Variants in NAALADL2 observed in about 807,000 individuals in gnomAD.
NAALADL2 encodes the protein N-acetylated alpha-linked acidic dipeptidase like 2.
In NAALADL2, 76 loss-of-function variants were observed where a neutral mutation model predicts 87.2. The ratio of observed to expected loss-of-function variants is 0.87; its 90% CI spans 0.72 to 1.05. The LOEUF (loss-of-function observed/expected upper bound fraction) is 1.05, where lower values mean the gene tolerates loss of function less well. Ranked by LOEUF, NAALADL2 falls within the 50% of genes least tolerant of loss-of-function variation. The pLI is 0.00. For synonymous variants in NAALADL2, 354 were observed against 331.0 expected, an observed-to-expected ratio of 1.07 and a Z score of -0.75; for missense variants, 1,089 against 945.8, an observed-to-expected ratio of 1.15 and a Z score of -1.99.
intron 2 of NAALADL2, among the ~76,000 whole-genome samples, chr3:175,143,515 A>G (rs1730313434): frequency 6.7e-6 from 1 of 148,852 alleles, no homozygotes; most frequent in Non-Finnish European, 1.5e-5. Flanking sequence ...TAATTTAAAT[A>G]TTGAAAGTGC....
At chr3:175,080,489 T>C (rs568372546) in intron 1 of NAALADL2, among the ~76,000 whole-genome samples, 1 of 152,236 alleles carries the variant, frequency 6.6e-6, no homozygotes, top group Non-Finnish European at 1.5e-5. Context: ...TTATGAATTA[T>C]CTACTCTCCC....
At chr3:174,689,386 C>A (rs1728348074) in intron 2 of NAALADL2, among the ~76,000 whole-genome samples, 1 of 135,354 alleles carries the variant, frequency 7.4e-6, no homozygotes, top group Admixed American at 7.5e-5. Context: ...CCCCTCTACC[C>A]CCCGCTTCAC....
At chr3:175,380,677 T>C (rs1767680970) in intron 5 of NAALADL2, among the ~76,000 whole-genome samples, 1 of 152,140 alleles carries the variant, frequency 6.6e-6, no homozygotes, top group Non-Finnish European at 1.5e-5. Flanking sequence ...GCAGAAATCA[T>C]ATATTTAGTA....
rs552885794 is a variant in NAALADL2, at chr3:174,486,473, G to A, written c.-184+45441G>A. 9.2e-5 allele frequency among the ~76,000 whole-genome samples: 14 copies of A among 152,020 alleles called. No homozygotes were observed. The South Asian group carries it at 1.5e-3, about 16-fold the overall frequency. On this transcript the variant is annotated intron_variant, in intron 1 of 3. Coordinates refer to the NAALADL2 transcript ENST00000434257. ...GACCCTCTTAAAATTTGTCAATTAC[G>A]CTTTAGGTTTTCCTACTCCACTAGT...
chr3:175,475,791 C>G (rs1725605069), intron 9 of NAALADL2, among the ~76,000 whole-genome samples: 1 of 152,146 alleles, frequency 6.6e-6, no homozygotes, highest in African/African-American at 2.4e-5. Flanking sequence ...GATCATAGCT[C>G]ACTGTAACCT....
intron 2 of NAALADL2, among the ~76,000 whole-genome samples, chr3:174,667,579 T>C (rs1284689605): frequency 2.6e-5 from 2 of 76,302 alleles, no homozygotes; most frequent in Non-Finnish European, 6.0e-5. Context: ...AGACTTTGAG[T>C]TGTAATGTTG....
At chr3:174,895,266 A>T (rs1440080864) in intron 1 of NAALADL2, among the ~76,000 whole-genome samples, 1 of 152,088 alleles carries the variant, frequency 6.6e-6, no homozygotes, top group Non-Finnish European at 1.5e-5. Flanking sequence ...AACTTAAAAA[A>T]AAATTGACAA....
chr3:175,096,031 C>G (rs895961423), intron 1 of NAALADL2, among the ~76,000 whole-genome samples: 1 of 152,066 alleles, frequency 6.6e-6, no homozygotes, highest in African/African-American at 2.4e-5. Flanking sequence ...GTTATGAAAC[C>G]AAACTCTCCT....
In NAALADL2 at chr3:175,541,346, G is replaced by T. The variant is rs575538439; in HGVS notation, c.1654-34695G>T. 9.9e-5 allele frequency among the ~76,000 whole-genome samples: 15 copies of T among 152,254 alleles called. No individual in the cohort carries two copies. The South Asian group carries it at 2.9e-3, about 29-fold the overall frequency. On this transcript the variant is annotated intron_variant, in intron 9 of 13. Transcript: ENST00000454872. ...AAAGTTGAAAATATAAGTAAAAAAT[G>T]CATTTAATACACCTAACCTTTCAAA...
chr3:175,092,706 C>T (rs1026855679), intron 1 of NAALADL2, among the ~76,000 whole-genome samples: 1 of 151,626 alleles, frequency 6.6e-6, no homozygotes, highest in Non-Finnish European at 1.5e-5. Flanking sequence ...CTGTCACAGT[C>T]CAGAAAAATA....
At chr3:175,088,980 G>A (rs1383940124) in intron 1 of NAALADL2, among the ~76,000 whole-genome samples, 4 of 152,028 alleles carry the variant, frequency 2.6e-5, no homozygotes, top group Non-Finnish European at 5.9e-5. Flanking sequence ...TAACTGTCAC[G>A]TTCTTAGCAG....
At chr3:174,801,838 GTCTC>G (rs1419326147) in intron 3 of NAALADL2, among the ~76,000 whole-genome samples, 1 of 151,752 alleles carries the variant, frequency 6.6e-6, no homozygotes, top group Non-Finnish European at 1.5e-5. Context: ...TGTTTAATGA[GTCTC>G]TTATCATGAT....
At chr3:175,638,308 CTT>C (rs1228359549) in intron 11 of NAALADL2, among the ~76,000 whole-genome samples, 1 of 152,138 alleles carries the variant, frequency 6.6e-6, no homozygotes, top group Non-Finnish European at 1.5e-5. Flanking sequence ...TTCTTATCCA[CTT>C]ATTTCTTCAG....
chr3:175,276,528 T>C (rs6797843), intron 4 of NAALADL2, among the ~76,000 whole-genome samples: 150,602 of 152,148 alleles, frequency 0.99, 74,541 homozygotes, highest in East Asian at 1. Flanking sequence ...TGGTCTCGAT[T>C]TCCTGACCTT....
chr3:175,167,532 C>A (rs148283540), intron 2 of NAALADL2, among the ~76,000 whole-genome samples: 4 of 152,074 alleles, frequency 2.6e-5, no homozygotes, highest in Admixed American at 2.6e-4. Context: ...ACATAATTTG[C>A]AAAGTCCAGT....
At chr3:175,222,458 C>T (rs989557963) in intron 2 of NAALADL2, among the ~76,000 whole-genome samples, 6 of 152,166 alleles carry the variant, frequency 3.9e-5, no homozygotes, top group Non-Finnish European at 8.8e-5. Context: ...ACTTTAAATT[C>T]TCTGAAATGT....
chr3:174,587,745 A>G (rs1345033340), intron 2 of NAALADL2, among the ~76,000 whole-genome samples: 2 of 152,156 alleles, frequency 1.3e-5, no homozygotes, highest in African/African-American at 4.8e-5. Flanking sequence ...CGAGAGATCC[A>G]CTGTTAGACA....
intron 2 of NAALADL2, among the ~76,000 whole-genome samples, chr3:174,649,077 C>T (rs1468407455): frequency 6.6e-6 from 1 of 152,112 alleles, no homozygotes; most frequent in Admixed American, 6.6e-5. Flanking sequence ...GATTTTCCTG[C>T]CTCAGCCTCC....
intron 1 of NAALADL2, among the ~76,000 whole-genome samples, chr3:175,013,158 T>TATATATATAC (rs1553916768): frequency 1.3e-3 from 121 of 91,364 alleles, no homozygotes; most frequent in African/African-American, 2.9e-3. Flanking sequence ...CATATTTATA[T>TATATATATAC]ATAAATATGT....
Sources: allele counts gnomAD v4.1 joint callset (sites outside exome capture counted in the v4.1 genomes callset), GRCh38; gene constraint gnomAD v4.1.1; transcripts MANE v1.5; gene names NCBI Gene and HGNC (gene_info 2026-07-23, HGNC 2026-07-21).